AHNAK2: variants seen among roughly 807,000 people sequenced by gnomAD.
The protein encoded by AHNAK2 is protein AHNAK2.
In AHNAK2, 18 loss-of-function variants were observed where a neutral mutation model predicts 30.7. That is an observed-to-expected ratio of 0.59 (90% CI 0.41 to 0.87). The LOEUF is 0.87. Among genes scored for constraint, AHNAK2 ranks in the 40% least tolerant of loss-of-function variants. The pLI is 0.00. For synonymous variants in AHNAK2, 3,590 were observed against 3,073.8 expected (o/e 1.17, Z -5.56); for missense variants, 8,604 against 7,373.0 (o/e 1.17, Z -6.11).
Position 104,939,923 on chromosome 14 carries a change from T to A in AHNAK2, c.15528A>T (p.Pro5176=). ...PDAEVLTVES[P]EEEAMTKYSQ... ...AGTACTTGGTCATGGCTTCCTCCTC[T>A]GGGCTTTCCACTGTGAGGACTTCAG... The change falls in exon 7 of 7, where the codon CCA becomes CCT. Residue 5176 remains proline (P), a synonymous_variant. Coordinates refer to ENST00000333244, the MANE Select transcript of AHNAK2 (RefSeq NM_138420.4). 6.2e-7 allele frequency: 1 copy of A among 1,612,634 alleles called. No individual in the cohort carries two copies. Among genetic ancestry groups the A allele is most frequent in the Non-Finnish European group, 8.5e-7 (1 of 1,179,898 alleles).
intron 1 of AHNAK2, among the ~76,000 whole-genome samples, chr14:104,971,077 G>A (rs539499114): frequency 2.6e-5 from 4 of 152,228 alleles, no homozygotes; most frequent in Non-Finnish European, 4.4e-5. Context: ...ACCACACCTC[G>A]AAGCACCAGG....
Position 104,939,036 on chromosome 14 carries a change from A to G in AHNAK2, c.16415T>C (p.Val5472Ala). The G allele has an allele frequency of 6.2e-7, 1 of 1,608,402 alleles. No individual in the cohort carries two copies. Among genetic ancestry groups the G allele is most frequent in the East Asian group, 2.2e-5 (1 of 44,794 alleles). ...GTGTATAGTGACCTCTTGACTTTCAACCTGAGCACCCTGAATATGCACTCT... is the reference window on the plus strand; with the variant it reads ...GTGTATAGTGACCTCTTGACTTTCAGCCTGAGCACCCTGAATATGCACTCT... ...KVRVHIQGAQ[V>A]ESQEVTIHSI... Residue 5472 changes from valine to alanine, a missense_variant, in exon 7 of 7, where the codon GTT (valine) becomes GCT (alanine). Physicochemically the swap from Val to Ala is moderately conservative, Grantham distance 64 (BLOSUM62 0). Transcript: ENST00000333244.
In AHNAK2 at chr14:104,945,085, C is replaced by T. The variant is rs769570008; in HGVS notation, c.10366G>A (p.Glu3456Lys). 1.9e-6 allele frequency: 3 copies of T among 1,613,300 alleles called. No individual in the cohort carries two copies. The highest frequency in any genetic ancestry group is 1.7e-6 in the Non-Finnish European group (2 of 1,179,738). ...PRAKLDGARL[E>K]GDLSLAEKDV... ...TTTTCAGCCAGGGACAGGTCCCCCT[C>T]CAGCCGCGCACCATCCAGCTTGGCT... is the stretch of plus-strand genomic sequence containing the variant. Residue 3456 changes from glutamate (E) to lysine (K), a missense_variant, in exon 7 of 7, where the codon GAG becomes AAG. Glu to Lys is a moderately conservative substitution (Grantham distance 56, BLOSUM62 1). Coordinates refer to ENST00000333244, the MANE Select transcript of AHNAK2 (RefSeq NM_138420.4).
rs759529109 is a variant in AHNAK2, at chr14:104,942,683, G to A, written c.12768C>T (p.Val4256=). ...CCATGCTGGGCAGAGACACCTCCAC[G>A]ACGGGGGTCATCACATCCGCCTTGG... ...KGPKADVMTP[V]VEVSLPSMEV... Residue 4256 remains valine, a synonymous_variant, in exon 7 of 7, where the codon GTC becomes GTT. Coordinates refer to ENST00000333244, the MANE Select transcript of AHNAK2 (RefSeq NM_138420.4). 26 of 1,612,606 alleles carry A rather than the reference G, an allele frequency of 1.6e-5. No individual in the cohort carries two copies. The highest frequency in any genetic ancestry group is 4.5e-5 in the East Asian group (2 of 44,716).
rs1898790463 is a variant in AHNAK2, at chr14:104,952,496, G to A, written c.2955C>T (p.Ser985=). ...LDGAWLEGDL[S]LADKDVTAKD... is the part of the protein sequence containing the mutation. ...TGGCAGTCACGTCCTTGTCGGCCAG[G>A]GACAGGTCCCCCTCCAGCCACGCAC... The change falls in exon 7 of 7, where the codon TCC becomes TCT. Residue 985 remains serine, a synonymous_variant. Coordinates refer to ENST00000333244, the MANE Select transcript of AHNAK2 (RefSeq NM_138420.4). 1.9e-6 allele frequency: 3 copies of A among 1,612,722 alleles called. No individual in the cohort carries two copies. Among genetic ancestry groups the A allele is most frequent in the East Asian group, 2.2e-5 (1 of 44,788 alleles).
rs200543843 is a variant in AHNAK2, at chr14:104,951,979, C to T, written c.3472G>A (p.Ala1158Thr). The T allele has an allele frequency of 1.5e-4, 234 of 1,612,240 alleles. 2 individuals carry two copies. Among genetic ancestry groups the T allele is most frequent in the Middle Eastern group, 6.6e-4 (4 of 6,046 alleles). ...GGCATTTTGAACCTGCTGTCTTTGG[C>T]AGTCACATCCTTGTCGGCCAGGGAC... ...ELSLADKDVT[A>T]KDSRFKMPKF... Residue 1158 changes from alanine (A) to threonine (T), a missense_variant, in exon 7 of 7, where the codon GCC becomes ACC. Ala to Thr is a moderately conservative substitution (Grantham distance 58). Transcript: ENST00000333244.
rs200612100 is a variant in AHNAK2, at chr14:104,946,038, G to C, written c.9413C>G (p.Ala3138Gly). The change falls in exon 7 of 7, where the codon GCC becomes GGC. Residue 3138 changes from alanine (A) to glycine (G), a missense_variant. Coordinates refer to ENST00000333244, the MANE Select transcript of AHNAK2 (RefSeq NM_138420.4). ...GGGCATTTTGAACTTGCTGTCTTTG[G>C]CAGTCACATCCTTGTCGGCCAGGGA... ...DLSLADKDVT[A>G]KDSKFKMPKF... 8 of 1,599,968 alleles carry C rather than the reference G, an allele frequency of 5.0e-6. No individual in the cohort carries two copies. In the East Asian group the frequency reaches 1.8e-4, roughly 36 times the overall value.
chr14:104,951,377 C>T lies in AHNAK2; in HGVS notation c.4074G>A (p.Val1358=). 9 of 1,071,820 alleles carry T rather than the reference C, an allele frequency of 8.4e-6. 2 individuals are homozygous for T. The highest frequency in any genetic ancestry group is 9.5e-6 in the Non-Finnish European group (7 of 737,464). The allele number at this position is 1,071,820 out of a possible 1,614,324, so 66.4% of individuals were successfully genotyped here. Residue 1358 remains valine, a synonymous_variant, in exon 7 of 7, where the codon GTG becomes GTA. Coordinates refer to ENST00000333244, the MANE Select transcript of AHNAK2 (RefSeq NM_138420.4). ...EASVDLSAPK[V]EADMSLPSMQ... The stretch of plus-strand genomic sequence containing the variant: ...TGGAGGGGAGGCTCATGTCGGCCTC[C>T]ACCTTGGGTGCAGACAGGTCCACGG...
chr14:104,959,795 G>A (rs540075760), intron 1 of AHNAK2, among the ~76,000 whole-genome samples: 1 of 152,300 alleles, frequency 6.6e-6, no homozygotes, highest in South Asian at 2.1e-4. Context: ...CAAATGCACA[G>A]GAAGAAATGG....
intron 1 of AHNAK2, among the ~76,000 whole-genome samples, chr14:104,961,512 TA>T (rs59059216): frequency 2.5e-3 from 350 of 139,650 alleles, no homozygotes; most frequent in Non-Finnish European, 2.6e-3. Context: ...GACCCCATCT[TA>T]AAAAAAAAAA....
Position 104,938,499 on chromosome 14 carries a change from T to C in AHNAK2, c.16952A>G (p.Asn5651Ser). The stretch of plus-strand genomic sequence containing the variant: ...ATCAACAGAAGAGGAAAACCCAATG[T>C]TTGGAAGCCAAAACCAGAGCAGACC... ...KSGLLWFWLPNIGFSSSVDET... is the reference protein window; with the variant it reads ...KSGLLWFWLPSIGFSSSVDET... Residue 5651 changes from asparagine to serine, a missense_variant, in exon 7 of 7, where the codon AAC (asparagine) becomes AGC (serine). Asn to Ser is a conservative substitution (Grantham distance 46). Transcript: ENST00000333244. 6.2e-7 allele frequency: 1 copy of C among 1,613,744 alleles called. No homozygotes were observed.
chr14:104,949,778 G>A lies in AHNAK2; in HGVS notation c.5673C>T (p.Leu1891=), dbSNP rs770462689. Residue 1891 remains leucine, a synonymous_variant, in exon 7 of 7, where the codon CTC becomes CTT. Transcript: ENST00000333244. Reference sequence around the variant, plus strand: ...CTCCCTCGGGCACCTGGCCCTCCGGGAGCTTCATGTCCACTTGGCCAGCCT... The same window carrying A: ...CTCCCTCGGGCACCTGGCCCTCCGGAAGCTTCATGTCCACTTGGCCAGCCT... ...VVQAGQVDMK[L]PEGQVPEGAG... 3.1e-6 allele frequency: 5 copies of A among 1,587,512 alleles called. No homozygotes were observed. The highest frequency in any genetic ancestry group is 2.2e-5 in the South Asian group (2 of 89,978).
At position 104,944,411 on chromosome 14, in the gene AHNAK2, G is replaced by C. The variant is rs769702012; in HGVS notation, c.11040C>G (p.Asp3680Glu). 22 of 1,612,348 alleles carry C rather than the reference G, an allele frequency of 1.4e-5. No homozygotes were observed. The highest frequency in any genetic ancestry group is 1.9e-5 in the Non-Finnish European group (22 of 1,179,434). Residue 3680 changes from aspartate to glutamate, a missense_variant, in exon 7 of 7, where the codon GAC (aspartate) becomes GAG (glutamate). Coordinates refer to ENST00000333244, the MANE Select transcript of AHNAK2 (RefSeq NM_138420.4). ...ADVSLPSMQG[D>E]LKTTDLSIQP... is the part of the protein sequence containing the mutation. ...GAATGCTGAGGTCAGTGGTCTTCAGGTCCCCCTGCATGGAGGGGAGACTCA... is the reference window on the plus strand; with the variant it reads ...GAATGCTGAGGTCAGTGGTCTTCAGCTCCCCCTGCATGGAGGGGAGACTCA...
intron 1 of AHNAK2, among the ~76,000 whole-genome samples, chr14:104,972,082 G>A (rs1261091566): frequency 6.6e-6 from 1 of 152,248 alleles, no homozygotes; most frequent in Non-Finnish European, 1.5e-5. Flanking sequence ...GGACTTCAAG[G>A]GCAGGGAAGG....
At position 104,946,565 on chromosome 14, in the gene AHNAK2, AC is replaced by A; in HGVS notation, c.8885del (p.Gly2962ValfsTer10). 2 of 1,590,476 alleles carry A rather than the reference AC, an allele frequency of 1.3e-6. No homozygotes were observed. The highest frequency in any genetic ancestry group is 4.6e-5 in the East Asian group (2 of 43,584). On this transcript the variant is annotated frameshift_variant, in exon 7 of 7. Transcript: ENST00000333244. LOFTEE classifies it low-confidence loss of function (END_TRUNC). ...CATCCTTGTCGGCCAGGGACAGGTC[AC>A]CCTCCAGCCGTGCACCATCCAGCTT... is the stretch of plus-strand genomic sequence containing the variant. The part of the protein sequence containing the change: ...RAKLDGARLE[G>X]DLSLADKDVT...
chr14:104,954,319 C>T lies in AHNAK2; in HGVS notation c.1132G>A (p.Glu378Lys). ...ETGAATGSRR[E>K]ERAEQDREVM... ...TCTCGATCCTGTTCTGCCCTCTCCT[C>T]TCTCCTGCTGCCTGTGGCAGCCCCA... Residue 378 changes from glutamate (E) to lysine (K), a missense_variant, in exon 7 of 7, where the codon GAG (glutamate) becomes AAG (lysine). Coordinates refer to ENST00000333244, the MANE Select transcript of AHNAK2 (RefSeq NM_138420.4). The surrounding 1 kb of genome is among the most constrained non-coding windows in gnomAD (Gnocchi z 4.3). The T allele has an allele frequency of 6.2e-7, 1 of 1,613,656 alleles. No homozygotes were observed. Among genetic ancestry groups the T allele is most frequent in the East Asian group, 2.2e-5 (1 of 44,890 alleles).
Position 104,955,648 on chromosome 14 carries a change from C to T in AHNAK2, c.316-15G>A, listed in dbSNP as rs1445745287. On this transcript the variant is annotated splice_polypyrimidine_tract_variant and intron_variant, in intron 4 of 6. Coordinates refer to ENST00000333244, the MANE Select transcript of AHNAK2 (RefSeq NM_138420.4). The stretch of plus-strand genomic sequence containing the variant: ...TCCTGGACAGCCTGGAGCAGAAGCA[C>T]ATCAGGGCCATGGTGAGCATGTGCC... 1.9e-6 allele frequency: 3 copies of T among 1,611,094 alleles called. No individual in the cohort carries two copies. Among genetic ancestry groups the T allele is most frequent in the South Asian group, 1.1e-5 (1 of 90,546 alleles).
In AHNAK2 at chr14:104,948,035, C is replaced by T. The variant is rs138389157; in HGVS notation, c.7416G>A (p.Ala2472=). 3.5e-5 allele frequency: 56 copies of T among 1,609,640 alleles called. No individual in the cohort carries two copies. In the East Asian group the frequency reaches 6.1e-4, roughly 17 times the overall value. Residue 2472 remains alanine (A), a synonymous_variant, in exon 7 of 7, where the codon GCG becomes GCA. Coordinates refer to ENST00000333244, the MANE Select transcript of AHNAK2 (RefSeq NM_138420.4). ...GAWLEGDLSV[A]DKDVTTKDSR... is the part of the protein sequence containing the mutation. ...TGTCTTTGGTAGTCACATCCTTGTC[C>T]GCCACAGACAGGTCCCCCTCCAGCC... is the stretch of plus-strand genomic sequence containing the variant.
intron 1 of AHNAK2, among the ~76,000 whole-genome samples, chr14:104,958,424 G>A (rs1272119088): frequency 2.0e-5 from 3 of 151,800 alleles, no homozygotes; most frequent in Non-Finnish European, 2.9e-5. Context: ...CTCCAGCCTG[G>A]GCAACAAGAG....
Sources: gnomAD v4.1 joint callset for allele counts (sites outside exome capture counted in the v4.1 genomes callset) on GRCh38, gnomAD v4.1.1 for gene constraint, Gnocchi (gnomAD v3.1) non-coding constraint, MANE v1.5 for transcripts, NCBI Gene and HGNC (gene_info 2026-07-23, HGNC 2026-07-21) for gene names.